The following PLD5 variants were observed in gnomAD, a reference collection of about 807,000 sequenced individuals.
PLD5 encodes inactive phospholipase D5.
Under a neutral mutation model 61.1 loss-of-function variants are expected in PLD5, and 36 were observed. The ratio of observed to expected loss-of-function variants is 0.59; its 90% CI spans 0.45 to 0.78. PLD5 has a LOEUF of 0.78. PLD5 is among the 30% of genes least tolerant of loss of function. The pLI is 0.00. For synonymous variants in PLD5, 243 were observed against 242.8 expected (o/e 1.00, Z -0.01); for missense variants, 515 against 644.4 (o/e 0.80, Z 2.17).
chr1:242,190,520 C>T (rs116575607), intron 5 of PLD5, among the ~76,000 whole-genome samples: 213 of 152,142 alleles, frequency 1.4e-3, no homozygotes, highest in African/African-American at 4.8e-3. Flanking sequence ...TAGCACAAAG[C>T]AGAGTCCTCC....
At chr1:242,179,025 A>C (rs1158281930) in intron 5 of PLD5, among the ~76,000 whole-genome samples, 1 of 152,192 alleles carries the variant, frequency 6.6e-6, no homozygotes, top group Non-Finnish European at 1.5e-5. Context: ...GAATATTTGA[A>C]TTGTTATATC....
In PLD5 at chr1:242,083,860, A is replaced by G. The variant is rs1659347078; in HGVS notation, c.*5994T>C. 1 of 152,078 alleles carries G rather than the reference A, an allele frequency of 6.6e-6. No homozygotes were observed. The highest frequency in any genetic ancestry group is 1.5e-5 in the Non-Finnish European group (1 of 68,030). The allele number at this position is 152,078 out of a possible 1,614,324, so 9.4% of individuals were successfully genotyped here. A position where few individuals can be genotyped will look rare whatever the true frequency, so the allele number is the denominator to read the frequency against. On this transcript the variant is annotated 3_prime_UTR_variant, in exon 10 of 10. Transcript: ENST00000536534. ...CCTGGGAATTGAGGTCATATTTCCA[A>G]GATTGGTTGTGCATTTGTGTGGGAA...
intron 2 of PLD5, among the ~76,000 whole-genome samples, chr1:242,327,195 C>A (rs900047703): frequency 4.6e-5 from 7 of 151,784 alleles, no homozygotes; most frequent in African/African-American, 1.5e-4. Context: ...TTTGTAGAAA[C>A]GGGGTCTCAC....
At chr1:242,459,567 G>A (rs568087840) in intron 1 of PLD5, among the ~76,000 whole-genome samples, 1 of 152,324 alleles carries the variant, frequency 6.6e-6, no homozygotes, top group African/African-American at 2.4e-5. Flanking sequence ...AGAAAAGGGG[G>A]AGACGTAGGG....
chr1:242,108,364 C>G (rs1167808248), intron 7 of PLD5, among the ~76,000 whole-genome samples: 2 of 152,168 alleles, frequency 1.3e-5, no homozygotes. Context: ...CCCTGCCTTC[C>G]ACGTTTTCTG....
intron 1 of PLD5, among the ~76,000 whole-genome samples, chr1:242,406,094 G>T (rs1664221604): frequency 6.6e-6 from 1 of 152,074 alleles, no homozygotes; most frequent in South Asian, 2.1e-4. Context: ...ACCATGAGTT[G>T]CAAGAATGAC....
chr1:242,089,517 T>C lies in PLD5; in HGVS notation c.*337A>G. On this transcript the variant is annotated 3_prime_UTR_variant, in exon 10 of 10. Coordinates refer to ENST00000536534, the MANE Select transcript of PLD5 (RefSeq NM_001372062.1). ...TGGTGTTAAAGAGCCCACCTCATGC[T>C]AAGCTTCCTAACAACTGACCGGGTA... 1 of 494,590 alleles carries C rather than the reference T, an allele frequency of 2.0e-6. No individual in the cohort carries two copies. Among genetic ancestry groups the C allele is most frequent in the Non-Finnish European group, 3.5e-6 (1 of 284,712 alleles). The allele number at this position is 494,590 out of a possible 1,614,324, so 30.6% of individuals were successfully genotyped here. A position where few individuals can be genotyped will look rare whatever the true frequency, so the allele number is the denominator to read the frequency against.
At chr1:242,224,427 G>C (rs1396753629) in intron 4 of PLD5, among the ~76,000 whole-genome samples, 1 of 151,820 alleles carries the variant, frequency 6.6e-6, no homozygotes, top group African/African-American at 2.4e-5. Flanking sequence ...AAACACTTCA[G>C]ATTTTTTTTC....
intron 9 of PLD5, among the ~76,000 whole-genome samples, chr1:242,093,099 G>A (rs1659964706): frequency 1.3e-5 from 2 of 152,152 alleles, no homozygotes; most frequent in Non-Finnish European, 2.9e-5. Context: ...TTAGTGAACT[G>A]TCTTCCAAGT....
At chr1:242,297,931 G>T (rs1156331857) in intron 2 of PLD5, among the ~76,000 whole-genome samples, 3 of 152,116 alleles carry the variant, frequency 2.0e-5, no homozygotes, top group Non-Finnish European at 4.4e-5. Flanking sequence ...GAGCCACCGC[G>T]CCCGGCCCGG....
intron 5 of PLD5, among the ~76,000 whole-genome samples, chr1:242,209,835 C>T (rs1296495432): frequency 1.3e-5 from 2 of 152,170 alleles, no homozygotes; most frequent in Non-Finnish European, 2.9e-5. Flanking sequence ...CACTCTGTCG[C>T]CCAGGCTGGA....
chr1:242,179,835 G>A (rs953748824), intron 5 of PLD5, among the ~76,000 whole-genome samples: 4 of 152,172 alleles, frequency 2.6e-5, no homozygotes, highest in African/African-American at 4.8e-5. Flanking sequence ...GCCAGGAGGC[G>A]GAGGTTGCAG....
rs548406231 is a variant in PLD5, at chr1:242,096,028, G to A, written c.1354+4640C>T. Among the ~76,000 whole-genome samples the A allele has an allele frequency of 2.2e-4, 33 of 151,516 alleles. 1 individual carries two copies. The highest frequency in any genetic ancestry group is 2.2e-3 in the Admixed American group (33 of 15,202). On this transcript the variant is annotated intron_variant, in intron 9 of 9. Transcript: ENST00000536534. ...GGCTGGAGTGCAGTGGCACCATCTC[G>A]GCTCACTGCAAGCTCCGCCTCCCGA... is the stretch of plus-strand genomic sequence containing the variant.
intron 1 of PLD5, among the ~76,000 whole-genome samples, chr1:242,442,682 T>C (rs1666331747): frequency 6.6e-6 from 1 of 152,196 alleles, no homozygotes. Context: ...CTTAAAGTTT[T>C]TTAACTTAAA....
chr1:242,353,676 T>C (rs187063860), intron 1 of PLD5, among the ~76,000 whole-genome samples: 3,229 of 152,220 alleles, frequency 0.021, 51 homozygotes, highest in East Asian at 0.033. Context: ...TTGTTTTCTT[T>C]CTATAGAGTT....
At position 242,304,047 on chromosome 1, in the gene PLD5, C is replaced by T. The variant is rs140155787; in HGVS notation, c.327-15517G>A. ...CTGATGGCTACTTTCAAGTCTGATGCTTATCTGGGGTAAATTTTCTGTGCC... is the reference window on the plus strand; with the variant it reads ...CTGATGGCTACTTTCAAGTCTGATGTTTATCTGGGGTAAATTTTCTGTGCC... On this transcript the variant is annotated intron_variant, in intron 2 of 9. Transcript: ENST00000536534. Among the ~76,000 whole-genome samples the T allele has an allele frequency of 7.2e-3, 1,100 of 152,198 alleles. 8 individuals carry two copies. The highest frequency in any genetic ancestry group is 0.018 in the South Asian group (87 of 4,806).
At chr1:242,112,283 C>CTGTGTGTG (rs748175841) in intron 7 of PLD5, among the ~76,000 whole-genome samples, 2,197 of 119,662 alleles carry the variant, frequency 0.018, 27 homozygotes, top group East Asian at 0.033. Flanking sequence ...AAAGGATGCA[C>CTGTGTGTG]TGTGTGTGTG....
At chr1:242,295,408 CTGAGT>C (rs1414479261) in intron 2 of PLD5, among the ~76,000 whole-genome samples, 1 of 152,190 alleles carries the variant, frequency 6.6e-6, no homozygotes, top group Non-Finnish European at 1.5e-5. Flanking sequence ...TTTTCTGTTT[CTGAGT>C]TATTTCACCT....
chr1:242,313,641 G>A (rs1676835537), intron 2 of PLD5, among the ~76,000 whole-genome samples: 1 of 152,162 alleles, frequency 6.6e-6, no homozygotes, highest in Admixed American at 6.5e-5. Context: ...AATAACCCAT[G>A]TCCATTGTGT....
Sources: allele counts gnomAD v4.1 joint callset (sites outside exome capture counted in the v4.1 genomes callset), GRCh38; gene constraint gnomAD v4.1.1; transcripts MANE v1.5; gene names NCBI Gene and HGNC (gene_info 2026-07-23, HGNC 2026-07-21).